The following AFG2A variants were observed in gnomAD, a reference collection of about 807,000 sequenced individuals.
AFG2A encodes AAA ATPase AFG2A.
chr4:123,059,149 T>TATTTC, the AFG2A span, among the ~76,000 whole-genome samples: 8 of 149,190 alleles, frequency 5.4e-5, no homozygotes, highest in African/African-American at 1.9e-4. Flanking sequence ...TATTTTATTT[T>TATTTC]ATTTTATTTT....
the AFG2A span, among the ~76,000 whole-genome samples, chr4:123,005,441 C>T: frequency 2.0e-5 from 3 of 152,188 alleles, no homozygotes; most frequent in Admixed American, 1.3e-4. Context: ...AGGTGTGAGC[C>T]ACTGCGCCCA....
the AFG2A span, among the ~76,000 whole-genome samples, chr4:123,206,347 A>T: frequency 1.3e-5 from 2 of 152,178 alleles, no homozygotes; most frequent in Non-Finnish European, 2.9e-5. Context: ...GAGGAATTCT[A>T]TCAGAAAATG....
At chr4:123,012,039 G>A in the AFG2A span, among the ~76,000 whole-genome samples, 12 of 133,410 alleles carry the variant, frequency 9.0e-5, no homozygotes, top group Admixed American at 1.5e-4. Context: ...GGTGAGGGGT[G>A]CTTGCCCCCC....
At chr4:123,092,583 C>A in the AFG2A span, among the ~76,000 whole-genome samples, 1 of 152,210 alleles carries the variant, frequency 6.6e-6, no homozygotes, top group Non-Finnish European at 1.5e-5. Context: ...TTAGCAGCTT[C>A]GCACCCATTT....
chr4:123,088,258 A>T, the AFG2A span, among the ~76,000 whole-genome samples: 1 of 152,214 alleles, frequency 6.6e-6, no homozygotes, highest in Non-Finnish European at 1.5e-5. Flanking sequence ...GTTTTACCTT[A>T]GAAACCATCT....
the AFG2A span, among the ~76,000 whole-genome samples, chr4:123,070,011 T>G: frequency 6.6e-6 from 1 of 152,096 alleles, no homozygotes; most frequent in Non-Finnish European, 1.5e-5. Flanking sequence ...TTTAAGGAAA[T>G]TTGATACTTT....
chr4:123,122,699 ATCTTTT>A, the AFG2A span, among the ~76,000 whole-genome samples: 1 of 151,820 alleles, frequency 6.6e-6, no homozygotes, highest in Admixed American at 6.6e-5. Flanking sequence ...TCATAGGGCT[ATCTTTT>A]TGCCTTTATA....
At chr4:123,251,897 T>C in the AFG2A span, among the ~76,000 whole-genome samples, 1 of 152,120 alleles carries the variant, frequency 6.6e-6, no homozygotes, top group Non-Finnish European at 1.5e-5. Context: ...AATTTGTACG[T>C]AAGTTAAGGA....
chr4:123,098,871 A>T, the AFG2A span, among the ~76,000 whole-genome samples: 1 of 151,930 alleles, frequency 6.6e-6, no homozygotes, highest in African/African-American at 2.4e-5. Flanking sequence ...TTTCCTTTGG[A>T]TATATACTCA....
the AFG2A span, among the ~76,000 whole-genome samples, chr4:123,099,244 T>C: frequency 6.6e-6 from 1 of 151,904 alleles, no homozygotes; most frequent in Non-Finnish European, 1.5e-5. Flanking sequence ...TTTTGGTATT[T>C]TAGATTTTAA....
chr4:123,023,825 T>A, the AFG2A span, among the ~76,000 whole-genome samples: 1 of 152,134 alleles, frequency 6.6e-6, no homozygotes, highest in Non-Finnish European at 1.5e-5. Context: ...ACGGCCTTCC[T>A]GGCTTCTGGT....
At chr4:123,160,933 T>C in the AFG2A span, among the ~76,000 whole-genome samples, 5 of 152,198 alleles carry the variant, frequency 3.3e-5, no homozygotes, top group Admixed American at 1.3e-4. Context: ...TATGCTATAA[T>C]AAAAGTTATG....
the AFG2A span, among the ~76,000 whole-genome samples, chr4:123,136,757 G>A: frequency 2.0e-5 from 3 of 151,044 alleles, no homozygotes; most frequent in Non-Finnish European, 2.9e-5. Flanking sequence ...CAGAAGAATC[G>A]CTTGAACCCA....
chr4:123,161,787 A>C, the AFG2A span, among the ~76,000 whole-genome samples: 1 of 152,230 alleles, frequency 6.6e-6, no homozygotes, highest in African/African-American at 2.4e-5. Flanking sequence ...TCTTCAGGAA[A>C]GAAATATAAG....
chr4:123,076,671 T>A, the AFG2A span, among the ~76,000 whole-genome samples: 1 of 151,936 alleles, frequency 6.6e-6, no homozygotes, highest in Admixed American at 6.6e-5. Context: ...TTCAGTGACA[T>A]TTTATGTCTT....
At chr4:123,033,465 G>A in the AFG2A span, among the ~76,000 whole-genome samples, 5 of 152,134 alleles carry the variant, frequency 3.3e-5, no homozygotes, top group African/African-American at 1.2e-4. Flanking sequence ...GTGGAAAGAT[G>A]TTTCTGGGAA....
the AFG2A span, among the ~76,000 whole-genome samples, chr4:123,259,147 A>T: frequency 9.2e-5 from 14 of 152,136 alleles, no homozygotes; most frequent in Admixed American, 9.2e-4. Context: ...GATTACAGGC[A>T]TGAGCCTCTG....
the AFG2A span, among the ~76,000 whole-genome samples, chr4:122,999,377 C>T: frequency 6.6e-6 from 1 of 151,892 alleles, no homozygotes; most frequent in Non-Finnish European, 1.5e-5. Flanking sequence ...ACATGAAGTC[C>T]TTGCCCATGC....
the AFG2A span, among the ~76,000 whole-genome samples, chr4:123,293,202 G>C: frequency 4.6e-5 from 7 of 152,284 alleles, no homozygotes; most frequent in African/African-American, 1.7e-4. Flanking sequence ...TCCTGTGGAG[G>C]AGTCCCAGCC....
Sources: allele counts gnomAD v4.1 joint callset (sites outside exome capture counted in the v4.1 genomes callset), GRCh38; gene constraint gnomAD v4.1.1; transcripts MANE v1.5; gene names NCBI Gene and HGNC (gene_info 2026-07-23, HGNC 2026-07-21).